Variants in CHSY3 observed in about 807,000 individuals in gnomAD.
CHSY3 encodes chondroitin sulfate synthase 3.
Under a neutral mutation model 67.2 loss-of-function variants are expected in CHSY3, and 35 were observed. That is an observed-to-expected ratio of 0.52 (90% CI 0.40 to 0.69). The LOEUF (loss-of-function observed/expected upper bound fraction) is 0.69. Ranked by LOEUF, CHSY3 falls within the 30% of genes least tolerant of loss-of-function variation. The pLI, the probability that CHSY3 is intolerant of heterozygous loss-of-function variation, is 0.00. For synonymous variants in CHSY3, 474 were observed against 434.7 expected (o/e 1.09, Z -1.12); for missense variants, 1,069 against 1,138.5 (o/e 0.94, Z 0.88).
At chr5:129,985,972 G>T (rs1326759011) in intron 2 of CHSY3, among the ~76,000 whole-genome samples, 1 of 152,072 alleles carries the variant, frequency 6.6e-6, no homozygotes, top group Non-Finnish European at 1.5e-5. Flanking sequence ...CATATTATCT[G>T]CGAAGAGAGA....
chr5:130,040,226 C>T (rs138238759), intron 2 of CHSY3, among the ~76,000 whole-genome samples: 1 of 152,180 alleles, frequency 6.6e-6, no homozygotes, highest in East Asian at 1.9e-4. Flanking sequence ...CATTTTCAGC[C>T]ACTAATCAGT....
intron 2 of CHSY3, among the ~76,000 whole-genome samples, chr5:129,931,014 A>G (rs1022402940): frequency 1.2e-4 from 18 of 152,084 alleles, no homozygotes; most frequent in Non-Finnish European, 2.2e-4. Context: ...TGATTTTATT[A>G]CAGTCTGCCT....
intron 1 of CHSY3, chr5:129,905,899 C>G: frequency 1.4e-6 from 1 of 697,550 alleles, no homozygotes; most frequent in South Asian, 2.5e-5. Context: ...TCGCGCTTGT[C>G]CCTTAGTCTT....
At chr5:130,178,253 A>ATATATATATATTT (rs1205782386) in intron 2 of CHSY3, among the ~76,000 whole-genome samples, 24 of 45,910 alleles carry the variant, frequency 5.2e-4, no homozygotes, top group African/African-American at 2.1e-3. Context: ...ATATATATAT[A>ATATATATATATTT]TTTTTTTTTT....
chr5:129,992,100 G>A (rs1264122618), intron 2 of CHSY3, among the ~76,000 whole-genome samples: 2 of 152,096 alleles, frequency 1.3e-5, no homozygotes, highest in Non-Finnish European at 2.9e-5. Flanking sequence ...TTCTTTTCTG[G>A]GAACTTCTTC....
intron 2 of CHSY3, chr5:130,140,163 A>T: frequency 4.3e-6 from 1 of 234,968 alleles, no homozygotes; most frequent in Non-Finnish European, 8.3e-6. Flanking sequence ...TGTCATCTTC[A>T]CTGGTAGTGA....
chr5:130,181,200 T>C (rs889336504), intron 2 of CHSY3, among the ~76,000 whole-genome samples: 2 of 152,162 alleles, frequency 1.3e-5, no homozygotes, highest in African/African-American at 4.8e-5. Flanking sequence ...GGAGGTTCCA[T>C]GAAATCCACT....
intron 2 of CHSY3, among the ~76,000 whole-genome samples, chr5:129,960,284 T>C (rs1762293038): frequency 6.6e-6 from 1 of 151,996 alleles, no homozygotes; most frequent in Admixed American, 6.6e-5. Context: ...GCTTATAAAG[T>C]TTGGAAGATC....
chr5:130,058,502 C>A (rs1765607013), intron 2 of CHSY3, among the ~76,000 whole-genome samples: 1 of 152,136 alleles, frequency 6.6e-6, no homozygotes, highest in African/African-American at 2.4e-5. Context: ...TGGCATGTGC[C>A]TGTAATCCCA....
intron 2 of CHSY3, among the ~76,000 whole-genome samples, chr5:130,134,889 CA>C (rs1387374335): frequency 6.7e-6 from 1 of 148,692 alleles, no homozygotes; most frequent in Non-Finnish European, 1.5e-5. Flanking sequence ...TGACAAGCTA[CA>C]AAAAGGTAAA....
intron 2 of CHSY3, among the ~76,000 whole-genome samples, chr5:130,143,732 G>GTATATATATATATATATATA (rs1468717884): frequency 1.0e-4 from 10 of 99,288 alleles, no homozygotes; most frequent in African/African-American, 4.2e-4. Flanking sequence ...GTGTGTGTGT[G>GTATATATATATATATATATA]TGTATATATA....
intron 2 of CHSY3, among the ~76,000 whole-genome samples, chr5:129,972,567 T>G (rs2149614824): frequency 6.6e-6 from 1 of 152,072 alleles, no homozygotes; most frequent in Non-Finnish European, 1.5e-5. Context: ...CCAAGAAATC[T>G]GCATCATGAA....
chr5:130,143,720 ATGTGTG>A (rs371451856), intron 2 of CHSY3, among the ~76,000 whole-genome samples: 1 of 110,560 alleles, frequency 9.0e-6, no homozygotes, highest in Middle Eastern at 4.4e-3. Context: ...ATATATATAT[ATGTGTG>A]TGTGTGTGTA....
At chr5:129,922,541 G>A (rs1760959138) in intron 2 of CHSY3, among the ~76,000 whole-genome samples, 1 of 152,112 alleles carries the variant, frequency 6.6e-6, no homozygotes, top group Non-Finnish European at 1.5e-5. Context: ...CAGGCATGAG[G>A]TGATAGCTCA....
intron 2 of CHSY3, among the ~76,000 whole-genome samples, chr5:130,014,690 A>G (rs188104683): frequency 6.6e-6 from 1 of 152,332 alleles, no homozygotes; most frequent in East Asian, 1.9e-4. Flanking sequence ...CATATCAACC[A>G]TATATAAAAA....
At chr5:129,963,711 A>C (rs11743092) in intron 2 of CHSY3, among the ~76,000 whole-genome samples, 5,496 of 151,790 alleles carry the variant, frequency 0.036, 148 homozygotes, top group Middle Eastern at 0.099. Context: ...AATGTTTCTT[A>C]TGTCATCTGA....
chr5:130,018,802 C>G (rs983924979), intron 2 of CHSY3, among the ~76,000 whole-genome samples: 4 of 152,002 alleles, frequency 2.6e-5, no homozygotes, highest in African/African-American at 9.7e-5. Flanking sequence ...GGGGGCAGAC[C>G]CCTCATGAAT....
intron 2 of CHSY3, among the ~76,000 whole-genome samples, chr5:130,027,254 G>C (rs1458858724): frequency 6.6e-6 from 1 of 152,012 alleles, no homozygotes; most frequent in Non-Finnish European, 1.5e-5. Context: ...TCTTTCATTT[G>C]ATATCTAGAA....
rs145580878 is a variant in CHSY3 at position 129,952,174 on chromosome 5, G to A, written c.1086+43814G>A. Among the ~76,000 whole-genome samples, 154 of 152,216 alleles carry A rather than the reference G, an allele frequency of 1.0e-3. 1 individual carries two copies. Among genetic ancestry groups the A allele is most frequent in the Admixed American group, 6.4e-3 (97 of 15,266 alleles). Reference sequence around the variant, plus strand: ...AGGAAGAGTGGAGCCTCTAATACTCGTTTCAAGTAAAAGTGGAAAGAATGC... The same window carrying A: ...AGGAAGAGTGGAGCCTCTAATACTCATTTCAAGTAAAAGTGGAAAGAATGC... On this transcript the variant is annotated intron_variant, in intron 2 of 2. Transcript: ENST00000305031.
Sources: gnomAD v4.1 joint callset for allele counts (sites outside exome capture counted in the v4.1 genomes callset) on GRCh38, gnomAD v4.1.1 for gene constraint, MANE v1.5 for transcripts, NCBI Gene and HGNC (gene_info 2026-07-23, HGNC 2026-07-21) for gene names.